Variants in MRPS23 observed in about 807,000 individuals in gnomAD.
MRPS23 encodes the protein mitochondrial ribosomal protein S23, also known as small ribosomal subunit protein mS23.
A neutral mutation model predicts 19.8 loss-of-function variants in MRPS23; 14 were observed. The ratio of observed to expected loss-of-function variants is 0.71; its 90% CI spans 0.47 to 1.11. The LOEUF (loss-of-function observed/expected upper bound fraction) is 1.11, where lower values mean the gene tolerates loss of function less well. MRPS23 is among the 50% of genes least tolerant of loss of function. The probability of loss-of-function intolerance (pLI) is 0.00; values close to 1 mark genes in which losing one functional copy is unlikely to be tolerated. For missense variants in MRPS23, 242 were observed against 236.7 expected (o/e 1.02, Z -0.15); for synonymous variants, 113 against 89.7 (o/e 1.26, Z -1.47).
intron 1 of MRPS23, 37 bp downstream of exon 1, chr17:57,849,930 G>C (rs1403803004): frequency 3.8e-6 from 6 of 1,574,974 alleles, no homozygotes; most frequent in Non-Finnish European, 4.3e-6. Flanking sequence ...CAGCCTGGGG[G>C]AGGCACCCTC....
intron 1 of MRPS23, 27 bp downstream of exon 1, chr17:57,849,932 GGCACCCTC>G: frequency 1.3e-6 from 2 of 1,575,712 alleles, no homozygotes; most frequent in Non-Finnish European, 1.7e-6. Context: ...GCCTGGGGGA[GGCACCCTC>G]AGCCCACCAC....
intron 2 of MRPS23, among the ~76,000 whole-genome samples, chr17:57,844,273 G>A (rs1163027854): frequency 4.0e-5 from 6 of 149,850 alleles, no homozygotes; most frequent in Non-Finnish European, 5.9e-5. Context: ...CCAAGTAGCT[G>A]GAACTACAGG....
In MRPS23 at chr17:57,846,178, C is replaced by T. The variant is rs8075384; in HGVS notation, c.215+3062G>A. Among the ~76,000 whole-genome samples, 463 of 146,910 alleles carry T rather than the reference C, an allele frequency of 3.2e-3. 2 individuals carry two copies. Among genetic ancestry groups the T allele is most frequent in the East Asian group, 0.012 (62 of 5,098 alleles). ...GGGAGGTAGGGGGCAGTCCCTGCTC[C>T]GCCAGCCGCCCCGTCCGGGAGGGAG... On this transcript the variant is annotated intron_variant, in intron 2 of 4. Transcript: ENST00000313608.
Position 57,840,985 on chromosome 17 carries a change from T to C in MRPS23, c.361A>G (p.Thr121Ala), listed in dbSNP as rs2073736750. Reference protein sequence around the residue: ...ETDEEKLFVETGKALLAEGVI... With the variant: ...ETDEEKLFVEAGKALLAEGVI... ...CCTTCTGCCAATAAAGCCTTCCCTG[T>C]TTCCACAAATAACTTCTCTTCATCT... Residue 121 changes from threonine (T) to alanine (A), a missense_variant, in exon 4 of 5, where the codon ACA (threonine) becomes GCA (alanine). Coordinates refer to ENST00000313608, the MANE Select transcript of MRPS23 (RefSeq NM_016070.4). The C allele has an allele frequency of 1.2e-6, 2 of 1,614,098 alleles. No homozygotes were observed. Among genetic ancestry groups the C allele is most frequent in the African/African-American group, 2.7e-5 (2 of 74,944 alleles).
In MRPS23 at chr17:57,840,914, T is replaced by C. The variant is rs775756350; in HGVS notation, c.420+12A>G. ...ATAAACCCAGTAACAATTTTAACAA[T>C]GAAATACTCACAGTCCTTGCTTCGC... On this transcript the variant is annotated intron_variant, in intron 4 of 4. Coordinates refer to ENST00000313608, the MANE Select transcript of MRPS23 (RefSeq NM_016070.4). 7 of 1,613,828 alleles carry C rather than the reference T, an allele frequency of 4.3e-6. No homozygotes were observed. In the South Asian group the frequency reaches 6.6e-5, roughly 15 times the overall value.
chr17:57,844,786 A>G (rs1252811168), intron 2 of MRPS23, among the ~76,000 whole-genome samples: 1 of 151,948 alleles, frequency 6.6e-6, no homozygotes, highest in African/African-American at 2.4e-5. Context: ...AAAAAAAAAA[A>G]AAAAAAAGTA....
intron 2 of MRPS23, among the ~76,000 whole-genome samples, chr17:57,842,296 G>A (rs2073744496): frequency 6.6e-6 from 1 of 152,166 alleles, no homozygotes; most frequent in Admixed American, 6.5e-5. Flanking sequence ...TTACAGGCAT[G>A]AGCCATTGTC....
chr17:57,845,450 G>A (rs2073766481), intron 2 of MRPS23, among the ~76,000 whole-genome samples: 1 of 152,106 alleles, frequency 6.6e-6, no homozygotes, highest in South Asian at 2.1e-4. Context: ...GTAAGAATAA[G>A]GGATGTGTAT....
rs377457079 is a variant in MRPS23, at chr17:57,844,192, T to C, written c.216-2932A>G. ...CAGGCTGTTGTGAGTGCAGTGGCTA[T>C]TCACAGATACAATCATAGTGTACTA... On this transcript the variant is annotated intron_variant, in intron 2 of 4. Coordinates refer to ENST00000313608, the MANE Select transcript of MRPS23 (RefSeq NM_016070.4). Among the ~76,000 whole-genome samples, 8 of 151,186 alleles carry C rather than the reference T, an allele frequency of 5.3e-5. No homozygotes were observed. The South Asian group carries it at 1.7e-3, about 32-fold the overall frequency.
intron 2 of MRPS23, among the ~76,000 whole-genome samples, chr17:57,846,788 A>G (rs956140816): frequency 3.3e-5 from 5 of 152,186 alleles, no homozygotes; most frequent in African/African-American, 1.2e-4. Flanking sequence ...GGAAGAACGC[A>G]GGGACCTCTG....
At chr17:57,846,283 G>A (rs971973988) in intron 2 of MRPS23, among the ~76,000 whole-genome samples, 6 of 54,842 alleles carry the variant, frequency 1.1e-4, no homozygotes, top group African/African-American at 3.1e-4. Flanking sequence ...CAGCCGCCCC[G>A]TCCGGGAGGG....
chr17:57,846,515 A>G (rs1049340752), intron 2 of MRPS23, among the ~76,000 whole-genome samples: 59 of 152,346 alleles, frequency 3.9e-4, no homozygotes, highest in Non-Finnish European at 6.9e-4. Flanking sequence ...TCAGATTGTT[A>G]CTGTGTCTGT....
Position 57,839,660 on chromosome 17 carries a change from G to A in MRPS23, c.*123C>T, listed in dbSNP as rs543527093. The A allele has an allele frequency of 8.1e-7, 1 of 1,233,736 alleles. No individual in the cohort carries two copies. Among genetic ancestry groups the A allele is most frequent in the Non-Finnish European group, 1.1e-6 (1 of 911,308 alleles). The allele number at this position is 1,233,736 out of a possible 1,614,324, so 76.4% of individuals were successfully genotyped here. On this transcript the variant is annotated 3_prime_UTR_variant, in exon 5 of 5. Coordinates refer to ENST00000313608, the MANE Select transcript of MRPS23 (RefSeq NM_016070.4). ...TTTGTGACAACCCAGAAATAACTAA[G>A]AGAAGGCAAACATAATACCTTAGAG...
intron 4 of MRPS23, 114 bp from the exon 5 acceptor site, chr17:57,840,049 A>G: frequency 1.7e-6 from 2 of 1,211,460 alleles, no homozygotes; most frequent in South Asian, 2.9e-5. Context: ...TAGCACTAAT[A>G]TCTTAGATCC....
At chr17:57,847,206 C>G (rs985312410) in intron 2 of MRPS23, among the ~76,000 whole-genome samples, 1 of 149,130 alleles carries the variant, frequency 6.7e-6, no homozygotes, top group Non-Finnish European at 1.5e-5. Context: ...GGCAGGAGAA[C>G]AGCTTGAACC....
chr17:57,849,127 C>G, intron 2 of MRPS23, 113 bp downstream of exon 2: 1 of 1,390,686 alleles, frequency 7.2e-7, no homozygotes. Context: ...GATAAGCCTT[C>G]TCCACAGGGC....
At chr17:57,840,785 T>C in intron 4 of MRPS23, 141 bp downstream of exon 4, 3 of 1,031,732 alleles carry the variant, frequency 2.9e-6, no homozygotes, top group Non-Finnish European at 4.2e-6. Context: ...GTGTAGGTTA[T>C]ATGCAAAAAC....
In MRPS23 at chr17:57,836,432, A is replaced by G. The variant is rs1236264203; in HGVS notation, c.*3351T>C. 6.6e-6 allele frequency: 1 copy of G among 152,144 alleles called. No homozygotes were observed. Among genetic ancestry groups the G allele is most frequent in the Admixed American group, 6.6e-5 (1 of 15,246 alleles). 9.4% of individuals were successfully genotyped at this position (152,144 alleles called of 1,614,324 possible). A position where few individuals can be genotyped will look rare whatever the true frequency, so the allele number is the denominator to read the frequency against. On this transcript the variant is annotated 3_prime_UTR_variant, in exon 5 of 5. Transcript: ENST00000313608. Reference sequence around the variant, plus strand: ...TTCCGAGCACAGACAGCATTTGAAAACGGCACGGAAGGTTCAATTCCTACA... The same window carrying G: ...TTCCGAGCACAGACAGCATTTGAAAGCGGCACGGAAGGTTCAATTCCTACA...
rs1461283002 is a variant in MRPS23 at position 57,838,155 on chromosome 17, T to G, written c.*1628A>C. 1 of 151,394 alleles carries G rather than the reference T, an allele frequency of 6.6e-6. No individual in the cohort carries two copies. The highest frequency in any genetic ancestry group is 1.5e-5 in the Non-Finnish European group (1 of 67,858). The allele number at this position is 151,394 out of a possible 1,614,324, so 9.4% of individuals were successfully genotyped here. A position where few individuals can be genotyped will look rare whatever the true frequency, so the allele number is the denominator to read the frequency against. On this transcript the variant is annotated 3_prime_UTR_variant, in exon 5 of 5. Coordinates refer to ENST00000313608, the MANE Select transcript of MRPS23 (RefSeq NM_016070.4). The stretch of plus-strand genomic sequence containing the variant: ...AAATACAAAAATTAGCCGGGCGTCA[T>G]AGCATACACCTGTAATCCCAGCTAC...
Sources: gnomAD v4.1 joint callset for allele counts (sites outside exome capture counted in the v4.1 genomes callset) on GRCh38, gnomAD v4.1.1 for gene constraint, MANE v1.5 for transcripts, NCBI Gene and HGNC (gene_info 2026-07-23, HGNC 2026-07-21) for gene names.